SOX5: variants seen among roughly 807,000 people sequenced by gnomAD.
The protein encoded by SOX5 is SRY-box transcription factor 5.
SOX5 carries 9 observed loss-of-function variants against 92.0 expected under a neutral mutation model. The ratio of observed to expected loss-of-function variants is 0.10; its 90% CI spans 0.06 to 0.17. SOX5 has a LOEUF of 0.17. Among genes scored for constraint, SOX5 ranks in the 10% least tolerant of loss-of-function variants. SOX5 has a pLI of 1.00. For synonymous variants in SOX5, 344 were observed against 336.3 expected, an observed-to-expected ratio of 1.02 and a Z score of -0.25; for missense variants, 642 against 944.5, an observed-to-expected ratio of 0.68 and a Z score of 4.20.
chr12:23,827,370 T>A (rs990375273), intron 3 of SOX5, among the ~76,000 whole-genome samples: 6 of 152,156 alleles, frequency 3.9e-5, no homozygotes, highest in African/African-American at 1.4e-4. Context: ...AATGGTAAAT[T>A]GAAAACTTTT....
intron 10 of SOX5, 128 bp from the exon 11 acceptor site, chr12:23,563,531 A>T (rs972164280): frequency 1.4e-6 from 1 of 696,998 alleles, no homozygotes; most frequent in Non-Finnish European, 2.4e-6. Flanking sequence ...CATGGAATTT[A>T]TCTAAAATGA....
At chr12:24,193,485 A>G (rs145693253) in intron 4 of SOX5, among the ~76,000 whole-genome samples, 2 of 152,360 alleles carry the variant, frequency 1.3e-5, no homozygotes, top group East Asian at 3.9e-4. Context: ...GTTTACATGA[A>G]GCAAATTACT....
chr12:24,165,133 C>T (rs1395799511), intron 4 of SOX5, among the ~76,000 whole-genome samples: 1 of 151,928 alleles, frequency 6.6e-6, no homozygotes, highest in African/African-American at 2.4e-5. Context: ...GTGCATATGC[C>T]TAGTTAACAT....
chr12:24,430,523 G>A (rs1205679252), intron 1 of SOX5, among the ~76,000 whole-genome samples: 2 of 141,312 alleles, frequency 1.4e-5, no homozygotes, highest in African/African-American at 5.3e-5. Flanking sequence ...ACTCTATGAG[G>A]TAAAACAGTG....
intron 4 of SOX5, among the ~76,000 whole-genome samples, chr12:24,179,669 T>C (rs1201065526): frequency 6.6e-6 from 1 of 152,192 alleles, no homozygotes; most frequent in African/African-American, 2.4e-5. Context: ...TGAAAAGGCT[T>C]TGTGTTAGAT....
At chr12:23,903,317 T>G (rs2097256472) in intron 1 of SOX5, among the ~76,000 whole-genome samples, 1 of 152,168 alleles carries the variant, frequency 6.6e-6, no homozygotes, top group African/African-American at 2.4e-5. Flanking sequence ...TTGGTGTGGT[T>G]GCTCACCCCT....
chr12:24,349,802 A>G (rs2141152948), intron 2 of SOX5, among the ~76,000 whole-genome samples: 1 of 152,322 alleles, frequency 6.6e-6, no homozygotes, highest in South Asian at 2.1e-4. Context: ...TATACACAGA[A>G]GGGGGATTGC....
chr12:24,189,047 C>G (rs917456700), intron 4 of SOX5, among the ~76,000 whole-genome samples: 84 of 152,190 alleles, frequency 5.5e-4, no homozygotes, highest in African/African-American at 2.0e-3. Context: ...AATGCCCTAT[C>G]TCAGTTACCA....
chr12:24,168,717 G>C lies in SOX5; in HGVS notation c.-2+44626C>G, dbSNP rs1314078271. 3.3e-5 allele frequency among the ~76,000 whole-genome samples: 5 copies of C among 152,080 alleles called. No individual in the cohort carries two copies. In the East Asian group the frequency reaches 9.6e-4, roughly 29 times the overall value. On this transcript the variant is annotated intron_variant, in intron 4 of 4. Coordinates refer to the SOX5 transcript ENST00000446891. Reference sequence around the variant, plus strand: ...ATGATGGCTTTTGGAATATAATAGAGAATAGAATTAGTAAGTATAAAAGAA... The same window carrying C: ...ATGATGGCTTTTGGAATATAATAGACAATAGAATTAGTAAGTATAAAAGAA...
intron 1 of SOX5, among the ~76,000 whole-genome samples, chr12:24,483,679 C>T (rs191741941): frequency 3.9e-4 from 59 of 152,300 alleles, no homozygotes; most frequent in Admixed American, 5.2e-4. Flanking sequence ...ACCCACCTTA[C>T]CTAATTGTTC....
intron 4 of SOX5, among the ~76,000 whole-genome samples, chr12:24,084,237 C>G (rs112261962): frequency 6.6e-6 from 1 of 151,914 alleles, no homozygotes; most frequent in Non-Finnish European, 1.5e-5. Flanking sequence ...AAGAGCAGTC[C>G]AAGGGGATAA....
intron 11 of SOX5, among the ~76,000 whole-genome samples, chr12:23,557,925 A>G (rs553612091): frequency 1.4e-5 from 2 of 146,982 alleles, no homozygotes; most frequent in South Asian, 4.6e-4. Flanking sequence ...GCAGTGAGCC[A>G]GGATCGCGCC....
intron 3 of SOX5, among the ~76,000 whole-genome samples, chr12:23,817,307 A>C (rs2096013937): frequency 6.6e-6 from 1 of 152,198 alleles, no homozygotes; most frequent in African/African-American, 2.4e-5. Context: ...GCTGGTAGTA[A>C]AACAGAGTTC....
chr12:23,664,404 T>C (rs535875151), intron 7 of SOX5, among the ~76,000 whole-genome samples: 111 of 152,258 alleles, frequency 7.3e-4, no homozygotes, highest in African/African-American at 2.6e-3. Context: ...TTTCACTATT[T>C]TTTTTCAGTG....
intron 4 of SOX5, among the ~76,000 whole-genome samples, chr12:24,040,918 T>G (rs1956459882): frequency 6.6e-6 from 1 of 152,070 alleles, no homozygotes; most frequent in South Asian, 2.1e-4. Context: ...GAATACTTGC[T>G]TGTGATTGGG....
rs1232227005 is a variant in SOX5, at chr12:24,228,131, T to C, written c.-76-14714A>G. On this transcript the variant is annotated intron_variant, in intron 3 of 4. Coordinates refer to the SOX5 transcript ENST00000446891. ...TCTCAGAGAGAGCTCTAGATTTCCC[T>C]GTGATAAGCTTCTGCTTTCGAGCTC... 5.9e-5 allele frequency among the ~76,000 whole-genome samples: 9 copies of C among 152,194 alleles called. No individual in the cohort carries two copies. The East Asian group carries it at 1.5e-3, about 26-fold the overall frequency.
At chr12:24,496,583 A>G (rs1182960218) in intron 1 of SOX5, among the ~76,000 whole-genome samples, 1 of 152,176 alleles carries the variant, frequency 6.6e-6, no homozygotes, top group East Asian at 1.9e-4. Context: ...CAAAACAACT[A>G]TACAAAAAAG....
chr12:24,279,039 G>A (rs1475345858), intron 2 of SOX5, among the ~76,000 whole-genome samples: 2 of 151,692 alleles, frequency 1.3e-5, no homozygotes, highest in Non-Finnish European at 2.9e-5. Context: ...CCCACAAGAG[G>A]GAGCTTGTAT....
intron 2 of SOX5, among the ~76,000 whole-genome samples, chr12:24,345,912 C>T (rs540096865): frequency 6.6e-6 from 1 of 152,306 alleles, no homozygotes; most frequent in South Asian, 2.1e-4. Context: ...TTCTGTTGCT[C>T]TCTAGGTACA....
Sources: allele counts gnomAD v4.1 joint callset (sites outside exome capture counted in the v4.1 genomes callset), GRCh38; gene constraint gnomAD v4.1.1; transcripts MANE v1.5; gene names NCBI Gene and HGNC (gene_info 2026-07-23, HGNC 2026-07-21).